The following LAMA5 variants were observed in gnomAD, a reference collection of about 807,000 sequenced individuals.
LAMA5 encodes laminin subunit alpha-5.
Under a neutral mutation model 433.4 loss-of-function variants are expected in LAMA5, and 260 were observed. The observed-to-expected ratio is 0.60, with a 90% CI of 0.54 to 0.66. The LOEUF (loss-of-function observed/expected upper bound fraction) is 0.66. Ranked by LOEUF, LAMA5 falls within the 30% of genes least tolerant of loss-of-function variation. The pLI is 0.00. For missense variants in LAMA5, 5,378 were observed against 5,258.5 expected, an observed-to-expected ratio of 1.02 and a Z score of -0.70; for synonymous variants, 2,620 against 2,226.6, an observed-to-expected ratio of 1.18 and a Z score of -4.97.
intron 50 of LAMA5, 43 bp downstream of exon 50, chr20:62,320,516 G>A (rs368048060): frequency 8.2e-6 from 12 of 1,462,318 alleles, no homozygotes; most frequent in African/African-American, 1.4e-5. Flanking sequence ...GGGGAACACA[G>A]GTGAAAGCCT....
rs1383686484 is a variant in LAMA5, at chr20:62,322,254, C to T, written c.6346+15G>A. The T allele has an allele frequency of 1.9e-6, 3 of 1,575,448 alleles. No individual in the cohort carries two copies. The highest frequency in any genetic ancestry group is 2.6e-6 in the Non-Finnish European group (3 of 1,163,330). Reference sequence around the variant, plus strand: ...GAAGTCCCCATCCGCCCTCCTGTGACCGGCCAGCACTCACGCCTGCAGCCC... The same window carrying T: ...GAAGTCCCCATCCGCCCTCCTGTGATCGGCCAGCACTCACGCCTGCAGCCC... On this transcript the variant is annotated intron_variant, in intron 47 of 79. Transcript: ENST00000252999.
chr20:62,323,126 G>A (rs1978602520), intron 45 of LAMA5, among the ~76,000 whole-genome samples: 1 of 146,824 alleles, frequency 6.8e-6, no homozygotes, highest in Admixed American at 6.7e-5. Flanking sequence ...TGGTGAAGGT[G>A]GGGGCCTGAT....
chr20:62,343,435 T>G (rs1274893007), intron 11 of LAMA5, among the ~76,000 whole-genome samples: 2 of 151,834 alleles, frequency 1.3e-5, no homozygotes, highest in African/African-American at 4.8e-5. Flanking sequence ...CCCCCCAAAA[T>G]AAGGGGCAAA....
At position 62,315,154 on chromosome 20, in the gene LAMA5, C is replaced by T. The variant is rs375103825; in HGVS notation, c.7921G>A (p.Asp2641Asn). Residue 2641 changes from aspartate to asparagine, a missense_variant, in exon 59 of 80, where the codon GAC becomes AAC. Coordinates refer to ENST00000252999, the MANE Select transcript of LAMA5 (RefSeq NM_005560.6). ...HAKAVAAEAQ[D>N]TATRVQSQLQ... is the part of the protein sequence containing the mutation. ...TGGGACTGCACACGGGTGGCGGTGT[C>T]CTGGGCTTCAGCAGCCACAGCCTTG... The T allele has an allele frequency of 6.2e-7, 1 of 1,610,822 alleles. No homozygotes were observed. Among genetic ancestry groups the T allele is most frequent in the African/African-American group, 1.3e-5 (1 of 74,920 alleles).
At chr20:62,309,956 G>A (rs1403782487) in intron 78 of LAMA5, 32 bp downstream of exon 78, 4 of 1,606,278 alleles carry the variant, frequency 2.5e-6, no homozygotes, top group Non-Finnish European at 3.4e-6. Flanking sequence ...GGTGGGGGTG[G>A]CAGAGTGCCC....
In LAMA5 at chr20:62,330,858, A is replaced by T. The variant is rs1439442161; in HGVS notation, c.3737T>A (p.Leu1246His). The T allele has an allele frequency of 4.5e-6, 7 of 1,540,888 alleles. No homozygotes were observed. Among genetic ancestry groups the T allele is most frequent in the Non-Finnish European group, 6.1e-6 (7 of 1,143,222 alleles). The change falls in exon 30 of 80, where the codon CTC becomes CAC. Residue 1246 changes from leucine (L) to histidine (H), a missense_variant. By Grantham distance (99) the Leu-to-His change is moderately conservative. Coordinates refer to ENST00000252999, the MANE Select transcript of LAMA5 (RefSeq NM_005560.6). Reference sequence around the variant, plus strand: ...GAGATCCTGCGCGTGGGTCAGCGGGAGGCCGGGCGGCAGCGGGATCACCTG... The same window carrying T: ...GAGATCCTGCGCGTGGGTCAGCGGGTGGCCGGGCGGCAGCGGGATCACCTG... ...DCQVIPLPPG[L>H]PLTHAQDLTP...
chr20:62,323,973 C>A (rs1978809524), intron 43 of LAMA5, 107 bp downstream of exon 43: 2 of 1,411,994 alleles, frequency 1.4e-6, no homozygotes, highest in East Asian at 2.5e-5. Context: ...CTCACGGACA[C>A]CTCCAGCTGT....
In LAMA5 at chr20:62,352,215, G is replaced by A. The variant is rs143969208; in HGVS notation, c.687+27C>T. On this transcript the variant is annotated intron_variant, in intron 4 of 79. Coordinates refer to ENST00000252999, the MANE Select transcript of LAMA5 (RefSeq NM_005560.6). ...CCCACCTCTCCGTTCTCCAGCCCCC[G>A]TACCGCCCTGCCCCTCCCCGGCCCA... 6.3e-3 allele frequency: 9,800 copies of A among 1,564,138 alleles called. 47 individuals are homozygous for A. Among genetic ancestry groups the A allele is most frequent in the Non-Finnish European group, 7.7e-3 (8,904 of 1,152,236 alleles).
intron 11 of LAMA5, among the ~76,000 whole-genome samples, chr20:62,341,437 A>G (rs911895799): frequency 1.3e-5 from 2 of 152,230 alleles, no homozygotes; most frequent in Non-Finnish European, 2.9e-5. Context: ...ACTCTTTGTT[A>G]TGTGTGCAGG....
In LAMA5 at chr20:62,311,787, G is replaced by T; in HGVS notation, c.9636-3C>A. The stretch of plus-strand genomic sequence containing the variant: ...GGTCATCGACATACAGCCAGACTCT[G>T]GGGGGCGGGAGGCCGGAGGCTCGGT... On this transcript the variant is annotated splice_region_variant and splice_polypyrimidine_tract_variant and intron_variant, in intron 70 of 79. Coordinates refer to ENST00000252999, the MANE Select transcript of LAMA5 (RefSeq NM_005560.6). The T allele has an allele frequency of 6.4e-7, 1 of 1,558,232 alleles. No individual in the cohort carries two copies. Among genetic ancestry groups the T allele is most frequent in the South Asian group, 1.2e-5 (1 of 83,218 alleles).
intron 23 of LAMA5, 77 bp downstream of exon 23, chr20:62,333,824 G>A (rs1309698596): frequency 7.0e-7 from 1 of 1,428,856 alleles, no homozygotes; most frequent in African/African-American, 1.4e-5. Context: ...GAGGAAGGTG[G>A]CGGGGCTTGG....
At position 62,337,795 on chromosome 20, in the gene LAMA5, G is replaced by C; in HGVS notation, c.2026+9C>G. The C allele has an allele frequency of 1.2e-6, 2 of 1,611,950 alleles. No homozygotes were observed. The highest frequency in any genetic ancestry group is 1.7e-6 in the Non-Finnish European group (2 of 1,179,426). ...CTGCCTCCCCACCACTTCCTCCCTAGGCACTCACGGACACAGCTGGGGAAG... is the reference window on the plus strand; with the variant it reads ...CTGCCTCCCCACCACTTCCTCCCTACGCACTCACGGACACAGCTGGGGAAG... On this transcript the variant is annotated intron_variant, in intron 15 of 79. Coordinates refer to ENST00000252999, the MANE Select transcript of LAMA5 (RefSeq NM_005560.6).
In LAMA5 at chr20:62,333,183, G is replaced by A. The variant is rs1361059155; in HGVS notation, c.3189C>T (p.Ala1063=). The change falls in exon 26 of 80, where the codon GCC becomes GCT. Residue 1063 remains alanine (A), a synonymous_variant. Transcript: ENST00000252999. ...GCAGGCTGTTGTCCTGGCGACACAGGGCCTCCAGCCCGGCGGCCGAGGGGA... is the reference window on the plus strand; with the variant it reads ...GCAGGCTGTTGTCCTGGCGACACAGAGCCTCCAGCCCGGCGGCCGAGGGGA... ...DGFPSAAGLE[A]LCRQDNSLPR... 6.6e-7 allele frequency: 1 copy of A among 1,521,504 alleles called. No individual in the cohort carries two copies. Among genetic ancestry groups the A allele is most frequent in the African/African-American group, 1.4e-5 (1 of 72,132 alleles). The allele number at this position is 1,521,504 out of a possible 1,614,324, so 94.3% of individuals were successfully genotyped here.
At chr20:62,356,499 A>T (rs1199028400) in intron 2 of LAMA5, 1 of 152,364 alleles carries the variant, frequency 6.6e-6, no homozygotes, top group East Asian at 1.9e-4. Flanking sequence ...AGTTATTTTT[A>T]AAAATCGGCT....
In LAMA5 at chr20:62,324,904, G is replaced by A. The variant is rs915003127; in HGVS notation, c.5530-350C>T. On this transcript the variant is annotated intron_variant, in intron 41 of 79. Coordinates refer to ENST00000252999, the MANE Select transcript of LAMA5 (RefSeq NM_005560.6). This position sits in a 1 kb window ranked among gnomAD's most constrained non-coding sequence, Gnocchi z 4.4. ...CAACCACAAACCTCCTCATACAGAA[G>A]GAGCAAAGTTACAGCAGACAGACAG... 1 of 384,886 alleles carries A rather than the reference G, an allele frequency of 2.6e-6. No homozygotes were observed. Among genetic ancestry groups the A allele is most frequent in the Non-Finnish European group, 4.8e-6 (1 of 207,482 alleles). The allele number at this position is 384,886 out of a possible 1,614,324, so 23.8% of individuals were successfully genotyped here. A position where few individuals can be genotyped will look rare whatever the true frequency, so the allele number is the denominator to read the frequency against.
In LAMA5 at chr20:62,317,638, A is replaced by ACAGGGGC. The variant is rs764112966; in HGVS notation, c.7356+17_7356+23dup. On this transcript the variant is annotated intron_variant, in intron 54 of 79. Transcript: ENST00000252999. ...GGAGTTGGCCGTGGATGGGGTGGCG[A>ACAGGGGC]CAGGGGCCAGGGGCTGCACTCACCT... 12 of 1,533,612 alleles carry ACAGGGGC rather than the reference A, an allele frequency of 7.8e-6. No individual in the cohort carries two copies. The African/African-American group carries it at 1.5e-4, about 19-fold the overall frequency.
intron 11 of LAMA5, among the ~76,000 whole-genome samples, chr20:62,339,662 T>C (rs189614500): frequency 2.6e-5 from 4 of 152,244 alleles, no homozygotes; most frequent in Non-Finnish European, 5.9e-5. Context: ...TTGTCAAAAA[T>C]GTAAGAGTAA....
intron 16 of LAMA5, 64 bp from the exon 17 acceptor site, chr20:62,336,850 C>T (rs1203211190): frequency 6.6e-7 from 1 of 1,525,454 alleles, no homozygotes; most frequent in African/African-American, 1.4e-5. Flanking sequence ...CAAGGGTGTC[C>T]CAGGCCCAGC....
Position 62,338,724 on chromosome 20 carries a change from A to G in LAMA5, c.1478-116T>C, listed in dbSNP as rs1601376376. 4 of 1,053,528 alleles carry G rather than the reference A, an allele frequency of 3.8e-6. No homozygotes were observed. The East Asian group carries it at 7.9e-5, about 21-fold the overall frequency. 65.3% of individuals were successfully genotyped at this position (1,053,528 alleles called of 1,614,324 possible). Reference sequence around the variant, plus strand: ...TTTCTTACACTTTTACACAACACTAACTAGAAAATAAAATAATAAAAATCC... The same window carrying G: ...TTTCTTACACTTTTACACAACACTAGCTAGAAAATAAAATAATAAAAATCC... On this transcript the variant is annotated intron_variant, in intron 11 of 79. Coordinates refer to ENST00000252999, the MANE Select transcript of LAMA5 (RefSeq NM_005560.6).
Sources: gnomAD v4.1 joint callset for allele counts (sites outside exome capture counted in the v4.1 genomes callset) on GRCh38, gnomAD v4.1.1 for gene constraint, Gnocchi (gnomAD v3.1) non-coding constraint, MANE v1.5 for transcripts, NCBI Gene and HGNC (gene_info 2026-07-23, HGNC 2026-07-21) for gene names.